Variants in NINJ1 observed in about 807,000 individuals in gnomAD.
NINJ1 encodes ninjurin-1.
In NINJ1, 6 loss-of-function variants were observed where a neutral mutation model predicts 12.7. The ratio of observed to expected loss-of-function variants is 0.47; its 90% CI spans 0.26 to 0.93. The LOEUF (loss-of-function observed/expected upper bound fraction) is 0.93, where lower values mean the gene tolerates loss of function less well. Among genes scored for constraint, NINJ1 ranks in the 40% least tolerant of loss-of-function variants. NINJ1 has a pLI of 0.15. For synonymous variants in NINJ1, 100 were observed against 96.0 expected, an observed-to-expected ratio of 1.04 and a Z score of -0.25; for missense variants, 170 against 213.0, an observed-to-expected ratio of 0.80 and a Z score of 1.26.
At chr9:93,132,410 G>A (rs1038002247) in intron 1 of NINJ1, among the ~76,000 whole-genome samples, 1 of 152,004 alleles carries the variant, frequency 6.6e-6, no homozygotes, top group Admixed American at 6.5e-5. Context: ...TGGCCCTCAT[G>A]TGCTCTGTGG....
chr9:93,128,412 C>T (rs1049990097), intron 1 of NINJ1, among the ~76,000 whole-genome samples: 1 of 152,226 alleles, frequency 6.6e-6, no homozygotes, highest in Admixed American at 6.5e-5. Flanking sequence ...AGCCACCTCC[C>T]AGGACTGTGT....
intron 1 of NINJ1, chr9:93,131,511 G>A (rs1827892625): frequency 6.6e-6 from 1 of 152,300 alleles, no homozygotes; most frequent in Non-Finnish European, 1.5e-5. Context: ...TCTCGGCCCA[G>A]ATGTGGCCCC....
chr9:93,124,313 C>T (rs1238221735), intron 3 of NINJ1, among the ~76,000 whole-genome samples: 3 of 152,162 alleles, frequency 2.0e-5, no homozygotes, highest in Admixed American at 6.5e-5. Flanking sequence ...CTCACTCTGT[C>T]GCTCAGGCTG....
At chr9:93,133,771 C>G (rs993058704) in intron 1 of NINJ1, among the ~76,000 whole-genome samples, 1 of 152,212 alleles carries the variant, frequency 6.6e-6, no homozygotes, top group Non-Finnish European at 1.5e-5. Flanking sequence ...CACGGCGAGG[C>G]TGAAGTTAGA....
At chr9:93,134,095 A>G in intron 1 of NINJ1, 48 bp downstream of exon 1, 1 of 1,414,446 alleles carries the variant, frequency 7.1e-7, no homozygotes, top group Non-Finnish European at 9.5e-7. Context: ...GGCGCCCCGA[A>G]AGGACAGGGC....
At position 93,126,626 on chromosome 9, in the gene NINJ1, C is replaced by A. The variant is rs1468683659; in HGVS notation, c.88G>T (p.Gly30Cys). 2 of 1,601,736 alleles carry A rather than the reference C, an allele frequency of 1.2e-6. No homozygotes were observed. The highest frequency in any genetic ancestry group is 8.5e-7 in the Non-Finnish European group (1 of 1,171,998). Residue 30 changes from glycine to cysteine, a missense_variant, in exon 2 of 4, where the codon GGC becomes TGC. Coordinates refer to ENST00000375446, the MANE Select transcript of NINJ1 (RefSeq NM_004148.4). ...GSPDASPARW[G>C]WRHGPINVNH... The stretch of plus-strand genomic sequence containing the variant: ...ACGTTGATGGGCCCGTGCCTCCAGC[C>A]CCAGCGGGCCGGCTGCAGGGAGGGG...
At chr9:93,123,958 C>A (rs1236198492) in intron 3 of NINJ1, among the ~76,000 whole-genome samples, 1 of 152,374 alleles carries the variant, frequency 6.6e-6, no homozygotes, top group South Asian at 2.1e-4. Context: ...AGTCTTCCTA[C>A]ACTGGGTGCC....
At chr9:93,126,696 T>C in intron 1 of NINJ1, 58 bp from the exon 2 acceptor site, 1 of 1,408,452 alleles carries the variant, frequency 7.1e-7, no homozygotes, top group Non-Finnish European at 9.7e-7. Context: ...GGGCTGTGCC[T>C]GAGTCGGGCT....
intron 1 of NINJ1, among the ~76,000 whole-genome samples, chr9:93,133,913 A>G (rs1827935252): frequency 6.6e-6 from 1 of 152,164 alleles, no homozygotes; most frequent in South Asian, 2.1e-4. Flanking sequence ...TGGGGACGCC[A>G]GCCCGCCCTG....
intron 1 of NINJ1, 38 bp from the exon 2 acceptor site, chr9:93,126,676 A>C (rs1554755797): frequency 4.1e-6 from 4 of 965,074 alleles, no homozygotes; most frequent in Non-Finnish European, 6.0e-6. Flanking sequence ...CGGGTGGGGG[A>C]GGGGGGCAAG....
chr9:93,127,860 C>T (rs934015636), intron 1 of NINJ1, among the ~76,000 whole-genome samples: 8 of 152,200 alleles, frequency 5.3e-5, no homozygotes, highest in Admixed American at 2.0e-4. Flanking sequence ...GCCGGGGTGC[C>T]GCAGGGCCAC....
Position 93,125,067 on chromosome 9 carries a change from G to A in NINJ1, c.305-5C>T, listed in dbSNP as rs113665037. The A allele has an allele frequency of 4.4e-5, 71 of 1,608,400 alleles. 6 individuals are homozygous for A. The highest frequency in any genetic ancestry group is 3.1e-4 in the African/African-American group (23 of 74,978). On this transcript the variant is annotated splice_region_variant and splice_polypyrimidine_tract_variant and intron_variant, in intron 2 of 3. Coordinates refer to ENST00000375446, the MANE Select transcript of NINJ1 (RefSeq NM_004148.4). The stretch of plus-strand genomic sequence containing the variant: ...GGTTGTTAAGGTCGTACTTGACTGT[G>A]GGCGAGAGAGGAGTGGATGGTGCCA...
chr9:93,134,041 C>T, intron 1 of NINJ1, 102 bp downstream of exon 1: 1 of 885,190 alleles, frequency 1.1e-6, no homozygotes, highest in Non-Finnish European at 1.6e-6. Flanking sequence ...TCCCCCAACA[C>T]TCTGCAGTGC....
intron 2 of NINJ1, 146 bp from the exon 3 acceptor site, chr9:93,125,208 G>A (rs527968450): frequency 4.3e-5 from 33 of 771,540 alleles, no homozygotes; most frequent in East Asian, 9.1e-5. Context: ...GAGTTTTGTC[G>A]CCCAGAGAAA....
intron 1 of NINJ1, among the ~76,000 whole-genome samples, chr9:93,128,501 G>C (rs1827845033): frequency 6.6e-6 from 1 of 152,252 alleles, no homozygotes; most frequent in Non-Finnish European, 1.5e-5. Context: ...CCGGACACAA[G>C]GGCCTGTGCC....
intron 1 of NINJ1, among the ~76,000 whole-genome samples, chr9:93,133,798 T>C (rs1827933291): frequency 6.6e-6 from 1 of 150,950 alleles, no homozygotes; most frequent in African/African-American, 2.4e-5. Flanking sequence ...CGCGCGAGAG[T>C]GGGGGGGAGG....
chr9:93,130,681 G>A (rs748815441), intron 1 of NINJ1, among the ~76,000 whole-genome samples: 4 of 152,194 alleles, frequency 2.6e-5, no homozygotes, highest in Admixed American at 6.5e-5. Flanking sequence ...CTGGTGGAGC[G>A]CATGGCAGTG....
chr9:93,124,464 G>A lies in NINJ1; in HGVS notation c.*9+435C>T, dbSNP rs181789097. Among the ~76,000 whole-genome samples, 197 of 152,218 alleles carry A rather than the reference G, an allele frequency of 1.3e-3. 2 individuals carry two copies. The highest frequency in any genetic ancestry group is 6.8e-3 in the Middle Eastern group (2 of 294). On this transcript the variant is annotated intron_variant, in intron 3 of 3. Transcript: ENST00000375446. The stretch of plus-strand genomic sequence containing the variant: ...CACTTTTTGTATTTTTAGTAGAGAC[G>A]GGGTTTCACCCTGTTGGCGAGGCTG...
intron 1 of NINJ1, among the ~76,000 whole-genome samples, chr9:93,128,841 T>C (rs760193395): frequency 6.6e-6 from 1 of 150,828 alleles, no homozygotes; most frequent in African/African-American, 2.5e-5. Flanking sequence ...AAGACACACA[T>C]AGACGTGAGA....
Sources: allele counts gnomAD v4.1 joint callset (sites outside exome capture counted in the v4.1 genomes callset), GRCh38; gene constraint gnomAD v4.1.1; transcripts MANE v1.5; gene names NCBI Gene and HGNC (gene_info 2026-07-23, HGNC 2026-07-21).